Variants in GRIA3 observed in about 807,000 individuals in gnomAD.
The protein encoded by GRIA3 is glutamate ionotropic receptor AMPA type subunit 3, also known as glutamate receptor 3.
A neutral mutation model predicts 63.0 loss-of-function variants in GRIA3; 3 were observed. The ratio of observed to expected loss-of-function variants is 0.05; its 90% CI spans 0.02 to 0.12. The LOEUF is 0.12. Ranked by LOEUF, GRIA3 falls within the 10% of genes least tolerant of loss-of-function variation. The probability of loss-of-function intolerance (pLI) is 1.00; values close to 1 mark genes in which losing one functional copy is unlikely to be tolerated. For synonymous variants in GRIA3, 274 were observed against 257.9 expected, an observed-to-expected ratio of 1.06 and a Z score of -0.60; for missense variants, 347 against 700.9, an observed-to-expected ratio of 0.50 and a Z score of 5.70.
chrX:123,246,611 T>G (rs1190142622), intron 2 of GRIA3, among the ~76,000 whole-genome samples: 1 of 111,454 alleles, frequency 9.0e-6, no homozygotes, highest in Non-Finnish European at 1.9e-5. Flanking sequence ...TCTTGATATT[T>G]TAGGGTCCAT....
intron 5 of GRIA3, among the ~76,000 whole-genome samples, chrX:123,368,020 G>C (rs1200490110): frequency 1.8e-5 from 2 of 111,809 alleles, no homozygotes; most frequent in African/African-American, 6.5e-5. Flanking sequence ...ATATATTGCT[G>C]TCTGGTCACT....
At chrX:123,252,217 A>G (rs1371625397) in intron 2 of GRIA3, among the ~76,000 whole-genome samples, 1 of 111,986 alleles carries the variant, frequency 8.9e-6, no homozygotes, top group African/African-American at 3.3e-5. Context: ...ACTGCTAAAT[A>G]AGATTCTATT....
In GRIA3 at chrX:123,190,295, T is replaced by C. The variant is rs763399626; in HGVS notation, c.268+4305T>C. ...TGCTGCTCTCCCTCTCTCCTCTGTCTGCTGGCCAGCCTTCAGTAAGCACGC... is the reference window on the plus strand; with the variant it reads ...TGCTGCTCTCCCTCTCTCCTCTGTCCGCTGGCCAGCCTTCAGTAAGCACGC... On this transcript the variant is annotated intron_variant, in intron 2 of 15. Coordinates refer to ENST00000620443, the MANE Select transcript of GRIA3 (RefSeq NM_007325.5). Among the ~76,000 whole-genome samples the C allele has an allele frequency of 3.2e-3, 353 of 111,441 alleles. 1 individual carries two copies. The highest frequency in any genetic ancestry group is 0.011 in the African/African-American group (322 of 30,621).
chrX:123,322,219 C>G lies in GRIA3; in HGVS notation c.509-3807C>G, dbSNP rs139939483. Reference sequence around the variant, plus strand: ...AGCCCAGTTCTTCATCCATAATTTCCTTCCCACTCCTTGCCACAAACTGCA... The same window carrying G: ...AGCCCAGTTCTTCATCCATAATTTCGTTCCCACTCCTTGCCACAAACTGCA... On this transcript the variant is annotated intron_variant, in intron 3 of 15. Coordinates refer to ENST00000620443, the MANE Select transcript of GRIA3 (RefSeq NM_007325.5). Among the ~76,000 whole-genome samples, 454 of 111,563 alleles carry G rather than the reference C, an allele frequency of 4.1e-3. 3 individuals are homozygous for G. The highest frequency in any genetic ancestry group is 0.013 in the African/African-American group (408 of 30,685).
At chrX:123,312,557 T>C (rs1489678356) in intron 3 of GRIA3, among the ~76,000 whole-genome samples, 2 of 111,710 alleles carry the variant, frequency 1.8e-5, no homozygotes, top group Non-Finnish European at 3.8e-5. Context: ...CCTGCGTAGA[T>C]TAGAGTGGGC....
chrX:123,427,859 C>T, intron 11 of GRIA3, 82 bp from the exon 12 acceptor site: 1 of 697,241 alleles, frequency 1.4e-6, no homozygotes, highest in East Asian at 3.2e-5. Flanking sequence ...AACCACTCCT[C>T]TTTCCAGAAA....
chrX:123,218,251 G>A (rs1311001671), intron 2 of GRIA3, among the ~76,000 whole-genome samples: 1 of 111,365 alleles, frequency 9.0e-6, no homozygotes, highest in Non-Finnish European at 1.9e-5. Context: ...TTTCTGAGAT[G>A]ACTGAGGATA....
At chrX:123,296,540 G>A (rs2044687273) in intron 3 of GRIA3, among the ~76,000 whole-genome samples, 1 of 110,893 alleles carries the variant, frequency 9.0e-6, no homozygotes, top group South Asian at 3.8e-4. Flanking sequence ...GATAAATCAC[G>A]CTATGTTCCC....
intron 7 of GRIA3, among the ~76,000 whole-genome samples, chrX:123,401,791 A>T (rs920354096): frequency 8.9e-6 from 1 of 112,396 alleles, no homozygotes; most frequent in Non-Finnish European, 1.9e-5. Context: ...GTCATTTTCC[A>T]TAAGTGATGA....
rs761846234 is a variant in GRIA3 at position 123,377,372 on chromosome X, C to G, written c.751-17596C>G. ...TATTTGCATATATCAACAGTTGAAT[C>G]TAACAATTTGTGGTATAAAGACATG... On this transcript the variant is annotated intron_variant, in intron 5 of 15. Coordinates refer to ENST00000620443, the MANE Select transcript of GRIA3 (RefSeq NM_007325.5). Among the ~76,000 whole-genome samples, 13 of 112,248 alleles carry G rather than the reference C, an allele frequency of 1.2e-4. No homozygotes were observed. The South Asian group carries it at 4.0e-3, about 35-fold the overall frequency.
At chrX:123,442,763 A>C (rs2045682198) in intron 12 of GRIA3, among the ~76,000 whole-genome samples, 1 of 111,055 alleles carries the variant, frequency 9.0e-6, no homozygotes, top group Non-Finnish European at 1.9e-5. Context: ...TTAAAGCAGC[A>C]TCCTAAATGA....
chrX:123,225,340 A>G (rs1310308254), intron 2 of GRIA3, among the ~76,000 whole-genome samples: 2 of 112,447 alleles, frequency 1.8e-5, no homozygotes, highest in Non-Finnish European at 3.8e-5. Context: ...GCACGGAGCG[A>G]GTACCCAATA....
chrX:123,457,002 C>A (rs1261316982), intron 12 of GRIA3, among the ~76,000 whole-genome samples: 1 of 111,335 alleles, frequency 9.0e-6, no homozygotes, highest in Non-Finnish European at 1.9e-5. Context: ...ATTATATTAT[C>A]TTAAAGATAC....
intron 5 of GRIA3, among the ~76,000 whole-genome samples, chrX:123,357,791 A>T (rs1194953502): frequency 1.8e-5 from 2 of 111,360 alleles, no homozygotes; most frequent in African/African-American, 6.5e-5. Context: ...AAATAAAGTA[A>T]TGTATAGTAT....
At chrX:123,349,075 C>T (rs986262988) in intron 4 of GRIA3, among the ~76,000 whole-genome samples, 1 of 111,687 alleles carries the variant, frequency 9.0e-6, no homozygotes, top group Non-Finnish European at 1.9e-5. Context: ...TTGATATTAT[C>T]CCTCTGGACA....
At chrX:123,228,592 TTGA>T (rs2044260304) in intron 2 of GRIA3, among the ~76,000 whole-genome samples, 1 of 111,800 alleles carries the variant, frequency 8.9e-6, no homozygotes, top group African/African-American at 3.3e-5. Flanking sequence ...AATAACACCA[TTGA>T]GTGTACTGCC....
intron 3 of GRIA3, among the ~76,000 whole-genome samples, chrX:123,314,983 G>T (rs1259666422): frequency 8.9e-6 from 1 of 112,056 alleles, no homozygotes; most frequent in South Asian, 3.7e-4. Context: ...GGAGGTCACA[G>T]TTGAAGCTGT....
intron 13 of GRIA3, among the ~76,000 whole-genome samples, chrX:123,476,350 C>T (rs963820704): frequency 9.9e-5 from 11 of 111,329 alleles, no homozygotes; most frequent in African/African-American, 3.6e-4. Context: ...TTCAAAATAC[C>T]TATGTGTAAG....
intron 2 of GRIA3, among the ~76,000 whole-genome samples, chrX:123,211,904 A>G (rs1928050981): frequency 8.9e-6 from 1 of 111,837 alleles, no homozygotes; most frequent in Non-Finnish European, 1.9e-5. Context: ...CAAAGTCAAC[A>G]TGATGGGCTA....
Sources: gnomAD v4.1 joint callset for allele counts (sites outside exome capture counted in the v4.1 genomes callset) on GRCh38, gnomAD v4.1.1 for gene constraint, MANE v1.5 for transcripts, NCBI Gene and HGNC (gene_info 2026-07-23, HGNC 2026-07-21) for gene names.